The following PRKRA variants were observed in gnomAD, a reference collection of about 807,000 sequenced individuals.
The protein encoded by PRKRA is protein activator of interferon induced protein kinase EIF2AK2.
Under a neutral mutation model 32.4 loss-of-function variants are expected in PRKRA, and 22 were observed. The ratio of observed to expected loss-of-function variants is 0.68; its 90% confidence interval spans 0.49 to 0.97. PRKRA has a LOEUF of 0.97. Among genes scored for constraint, PRKRA ranks in the 50% least tolerant of loss-of-function variants. The pLI, the probability that PRKRA is intolerant of heterozygous loss-of-function variation, is 0.00. For missense variants in PRKRA, 319 were observed against 375.6 expected (o/e 0.85, Z 1.25); for synonymous variants, 139 against 129.8 (o/e 1.07, Z -0.48).
intron 6 of PRKRA, chr2:178,439,898 A>G (rs950604646): frequency 2.0e-5 from 3 of 152,126 alleles, no homozygotes; most frequent in African/African-American, 4.8e-5. Context: ...TGTCAATGCT[A>G]TATCATTATT....
At chr2:178,448,955 G>C (rs13382684) in intron 2 of PRKRA, among the ~76,000 whole-genome samples, 29,169 of 152,190 alleles carry the variant, frequency 0.19, 3,142 homozygotes, top group East Asian at 0.51. Flanking sequence ...TGAGAGGCTT[G>C]AGGGGCCTCT....
chr2:178,447,674 CTA>C, intron 2 of PRKRA, 88 bp from the exon 3 acceptor site: 1 of 1,210,680 alleles, frequency 8.3e-7, no homozygotes, highest in East Asian at 4.2e-5. Flanking sequence ...AACAAAGTCA[CTA>C]TAGATTTTAC....
Position 178,447,426 on chromosome 2 carries a change from T to C in PRKRA, c.317+79A>G. ...CTAACAACTGTTCACTTTGTTGCTT[T>C]TGTAAGCATGTTCAAATTTTTAATC... On this transcript the variant is annotated intron_variant, in intron 3 of 7. Transcript: ENST00000325748. 3.0e-6 allele frequency: 4 copies of C among 1,338,150 alleles called. No homozygotes were observed. The South Asian group carries it at 4.2e-5, about 14-fold the overall frequency. The allele number at this position is 1,338,150 out of a possible 1,614,324, so 82.9% of individuals were successfully genotyped here.
chr2:178,450,638 A>T, intron 1 of PRKRA: 1 of 1,447,232 alleles, frequency 6.9e-7, no homozygotes, highest in African/African-American at 1.4e-5. Context: ...AGAGCACTTG[A>T]ATGCGGGTAG....
intron 5 of PRKRA, among the ~76,000 whole-genome samples, 189 bp downstream of exon 5, chr2:178,443,063 TTTTAAAAATATCAAA>T (rs1373511685): frequency 1.8e-4 from 27 of 152,336 alleles, no homozygotes; most frequent in South Asian, 4.1e-4. Flanking sequence ...AATCTATGAT[TTTTAAAAATATCAAA>T]TTAAGAAGAC....
intron 4 of PRKRA, 113 bp downstream of exon 4, chr2:178,444,309 A>G (rs1697232829): frequency 1.1e-6 from 1 of 923,286 alleles, no homozygotes; most frequent in South Asian, 1.5e-5. Context: ...GTAAGTTGGA[A>G]AACAAAATAT....
intron 3 of PRKRA, chr2:178,445,463 GAGA>G (rs1251899300): frequency 6.5e-6 from 1 of 154,102 alleles, no homozygotes; most frequent in Non-Finnish European, 1.5e-5. Context: ...AATTGTGATG[GAGA>G]AGTGAGAAAG....
chr2:178,433,564 CCTT>C (rs1406960048), intron 7 of PRKRA: 1 of 152,156 alleles, frequency 6.6e-6, no homozygotes, highest in African/African-American at 2.4e-5. Context: ...TGAAGTGGTA[CCTT>C]ATTATCGTGG....
At chr2:178,440,232 C>T (rs1018409801) in intron 6 of PRKRA, 1 of 152,052 alleles carries the variant, frequency 6.6e-6, no homozygotes, top group Non-Finnish European at 1.5e-5. Flanking sequence ...AATGTAAAAT[C>T]AAATTATATT....
chr2:178,439,493 T>C (rs943182370), intron 6 of PRKRA: 1 of 152,122 alleles, frequency 6.6e-6, no homozygotes, highest in African/African-American at 2.4e-5. Flanking sequence ...TGAATTCTCT[T>C]GTTTCTAGTA....
intron 7 of PRKRA, chr2:178,433,643 G>T (rs890405540): frequency 3.3e-5 from 5 of 151,976 alleles, no homozygotes; most frequent in Admixed American, 2.0e-4. Flanking sequence ...TGGTCATTTG[G>T]TCATTTTTCT....
intron 6 of PRKRA, among the ~76,000 whole-genome samples, chr2:178,438,486 T>C (rs138380947): frequency 6.6e-6 from 1 of 152,326 alleles, no homozygotes; most frequent in East Asian, 1.9e-4. Context: ...GGATTCTCTA[T>C]TCGCTCCTCT....
rs759226669 is a variant in PRKRA, at chr2:178,451,039, G to C, written c.-9C>G. On this transcript the variant is annotated 5_prime_UTR_variant, in exon 1 of 8. Coordinates refer to ENST00000325748, the MANE Select transcript of PRKRA (RefSeq NM_003690.5). ...TGCCTGCTCTGGGACATGGCGAGAA[G>C]GGACGGCTCAGCGGCTGGAGGAAGA... is the stretch of plus-strand genomic sequence containing the variant. 8 of 1,555,604 alleles carry C rather than the reference G, an allele frequency of 5.1e-6. No individual in the cohort carries two copies. Among genetic ancestry groups the C allele is most frequent in the Non-Finnish European group, 6.9e-6 (8 of 1,156,024 alleles).
At chr2:178,450,594 G>A in intron 1 of PRKRA, 183 bp from the exon 2 acceptor site, 1 of 1,483,626 alleles carries the variant, frequency 6.7e-7, no homozygotes, top group Non-Finnish European at 8.9e-7. Flanking sequence ...CAGTCACTCC[G>A]CAGGAGCAGG....
intron 5 of PRKRA, 70 bp downstream of exon 5, chr2:178,443,197 G>T: frequency 3.5e-6 from 3 of 864,246 alleles, no homozygotes; most frequent in Middle Eastern, 2.6e-4. Context: ...AAAACATTAC[G>T]ACAGAAATTT....
chr2:178,442,780 T>G (rs778759538), intron 5 of PRKRA, among the ~76,000 whole-genome samples: 2 of 152,260 alleles, frequency 1.3e-5, no homozygotes, highest in Non-Finnish European at 2.9e-5. Flanking sequence ...ACAGCGTTTC[T>G]TATAGTTTAT....
Position 178,432,017 on chromosome 2 carries a change from A to T in PRKRA, c.*80T>A. 1 of 1,466,366 alleles carries T rather than the reference A, an allele frequency of 6.8e-7. No homozygotes were observed. The highest frequency in any genetic ancestry group is 1.4e-5 in the African/African-American group (1 of 70,934). The allele number at this position is 1,466,366 out of a possible 1,614,324, so 90.8% of individuals were successfully genotyped here. ...GATTTAGAAACAAGACATAAACACT[A>T]CGGTAAAAGTTTTACTTGGGAAGGG... On this transcript the variant is annotated 3_prime_UTR_variant, in exon 8 of 8. Transcript: ENST00000325748.
At chr2:178,448,130 AAG>A (rs1178026959) in intron 2 of PRKRA, among the ~76,000 whole-genome samples, 45 of 152,340 alleles carry the variant, frequency 3.0e-4, no homozygotes, top group Admixed American at 9.2e-4. Context: ...TACAACAGGA[AAG>A]AGTTTTATGG....
intron 7 of PRKRA, chr2:178,434,174 G>C (rs748871666): frequency 6.6e-6 from 1 of 151,186 alleles, no homozygotes; most frequent in African/African-American, 2.4e-5. Context: ...GCAGTGGCGC[G>C]ATCTCGGTTC....
Sources: allele counts gnomAD v4.1 joint callset (sites outside exome capture counted in the v4.1 genomes callset), GRCh38; gene constraint gnomAD v4.1.1; transcripts MANE v1.5; gene names NCBI Gene and HGNC (gene_info 2026-07-23, HGNC 2026-07-21).